SLC4A7: variants seen among roughly 807,000 people sequenced by gnomAD.
SLC4A7 encodes sodium bicarbonate cotransporter 3.
A neutral mutation model predicts 137.6 loss-of-function variants in SLC4A7; 51 were observed. The observed-to-expected ratio is 0.37, with a 90% CI of 0.30 to 0.47. The LOEUF (loss-of-function observed/expected upper bound fraction) is 0.47, where lower values mean the gene tolerates loss of function less well. SLC4A7 is among the 20% of genes least tolerant of loss of function. The pLI is 1.00. For missense variants in SLC4A7, 1,247 were observed against 1,525.4 expected, an observed-to-expected ratio of 0.82 and a Z score of 3.04; for synonymous variants, 542 against 518.6, an observed-to-expected ratio of 1.05 and a Z score of -0.61.
intron 16 of SLC4A7, among the ~76,000 whole-genome samples, chr3:27,399,593 A>G (rs1335683245): frequency 6.6e-6 from 1 of 151,810 alleles, no homozygotes; most frequent in African/African-American, 2.4e-5. Flanking sequence ...TCACCATACC[A>G]GGGTAATTTT....
chr3:27,456,685 GTA>G, intron 1 of SLC4A7: 1 of 1,610,428 alleles, frequency 6.2e-7, no homozygotes, highest in South Asian at 1.1e-5. Flanking sequence ...TCTTTCCATA[GTA>G]ATATAGAAAT....
chr3:27,446,690 T>A (rs531424910), intron 3 of SLC4A7, among the ~76,000 whole-genome samples: 36 of 152,232 alleles, frequency 2.4e-4, no homozygotes, highest in African/African-American at 8.7e-4. Context: ...CTGTGATGTA[T>A]AGAACAGTTT....
intron 12 of SLC4A7, among the ~76,000 whole-genome samples, chr3:27,410,313 A>T (rs184283998): frequency 6.2e-4 from 95 of 152,300 alleles, no homozygotes; most frequent in Non-Finnish European, 1.1e-3. Flanking sequence ...CAGTGTCTAG[A>T]ACACTACCTG....
chr3:27,395,148 T>C (rs1427420136), intron 18 of SLC4A7, 33 bp from the exon 19 acceptor site: 3 of 1,514,074 alleles, frequency 2.0e-6, no homozygotes, highest in Non-Finnish European at 1.8e-6. Context: ...TTTCAAAAAG[T>C]CTCCTTGCTG....
chr3:27,473,065 G>A (rs998699902), intron 1 of SLC4A7, among the ~76,000 whole-genome samples: 9 of 147,774 alleles, frequency 6.1e-5, no homozygotes, highest in South Asian at 2.2e-4. Flanking sequence ...GGGCAACAGA[G>A]GAAGACTCTG....
At chr3:27,425,603 G>A (rs1192141449) in intron 7 of SLC4A7, among the ~76,000 whole-genome samples, 1 of 139,732 alleles carries the variant, frequency 7.2e-6, no homozygotes. Context: ...TTGAACCCAG[G>A]AGGCAGAGGT....
At chr3:27,461,438 C>A (rs2058690785) in intron 1 of SLC4A7, among the ~76,000 whole-genome samples, 1 of 151,536 alleles carries the variant, frequency 6.6e-6, no homozygotes, top group Non-Finnish European at 1.5e-5. Flanking sequence ...CAAACAGATT[C>A]ATTTGAAGGC....
chr3:27,391,808 A>C lies in SLC4A7; in HGVS notation c.3118T>G (p.Phe1040Val). Reference sequence around the variant, plus strand: ...CCATACAGAACAGGCATTGGAATAAACTGTAAATAAAATGAACACAATTAG... The same window carrying C: ...CCATACAGAACAGGCATTGGAATAACCTGTAAATAAAATGAACACAATTAG... ...LSVFMTSVLK[F>V]IPMPVLYGVF... The change falls in exon 21 of 26, where the codon TTT becomes GTT. Residue 1040 changes from phenylalanine to valine, a missense_variant and splice_region_variant. Coordinates refer to ENST00000454389, the MANE Select transcript of SLC4A7 (RefSeq NM_001321103.2). 1 of 1,573,292 alleles carries C rather than the reference A, an allele frequency of 6.4e-7. No individual in the cohort carries two copies. Among genetic ancestry groups the C allele is most frequent in the South Asian group, 1.2e-5 (1 of 86,876 alleles).
chr3:27,392,616 A>G (rs748681265), intron 20 of SLC4A7, among the ~76,000 whole-genome samples: 189 of 152,194 alleles, frequency 1.2e-3, no homozygotes, highest in Non-Finnish European at 2.3e-3. Context: ...ACTTGCGGCC[A>G]TAAGTTCGAG....
intron 23 of SLC4A7, among the ~76,000 whole-genome samples, chr3:27,385,259 T>C (rs1158418792): frequency 1.3e-5 from 2 of 152,284 alleles, no homozygotes; most frequent in South Asian, 2.1e-4. Flanking sequence ...TACTTTTCCT[T>C]CTTATTAACC....
intron 14 of SLC4A7, among the ~76,000 whole-genome samples, 191 bp downstream of exon 14, chr3:27,404,639 C>G (rs1428619768): frequency 6.6e-6 from 1 of 152,244 alleles, no homozygotes; most frequent in East Asian, 1.9e-4. Context: ...GACAATCTTA[C>G]TTTCTTCATC....
At chr3:27,403,104 A>T (rs2052954421) in intron 15 of SLC4A7, 35 bp downstream of exon 15, 1 of 1,570,272 alleles carries the variant, frequency 6.4e-7, no homozygotes, top group African/African-American at 1.4e-5. Context: ...CTGTAAAAAC[A>T]CATTTTAATA....
intron 3 of SLC4A7, among the ~76,000 whole-genome samples, chr3:27,443,588 G>C (rs757596751): frequency 2.0e-5 from 3 of 151,116 alleles, no homozygotes; most frequent in Admixed American, 6.6e-5. Context: ...TAGTTTCTTA[G>C]CTAGAAGTTT....
intron 14 of SLC4A7, among the ~76,000 whole-genome samples, chr3:27,404,626 A>C (rs2053150024): frequency 6.6e-6 from 1 of 152,228 alleles, no homozygotes; most frequent in Non-Finnish European, 1.5e-5. Flanking sequence ...TTTTATACTC[A>C]AGGACAATCT....
intron 11 of SLC4A7, among the ~76,000 whole-genome samples, chr3:27,416,951 T>A (rs908751476): frequency 6.6e-6 from 1 of 152,134 alleles, no homozygotes; most frequent in African/African-American, 2.4e-5. Context: ...TTAAAAACCA[T>A]TACGCATATT....
chr3:27,434,629 G>T, intron 5 of SLC4A7, among the ~76,000 whole-genome samples: 1 of 152,080 alleles, frequency 6.6e-6, no homozygotes, highest in African/African-American at 2.4e-5. Context: ...CAGATAAAAC[G>T]TCATGAGGTC....
chr3:27,396,092 G>GT, intron 18 of SLC4A7, among the ~76,000 whole-genome samples: 1 of 152,106 alleles, frequency 6.6e-6, no homozygotes, highest in East Asian at 1.9e-4. Context: ...CTAAACATAT[G>GT]TTTTTATTAC....
intron 11 of SLC4A7, among the ~76,000 whole-genome samples, chr3:27,417,189 G>C (rs975608536): frequency 1.7e-4 from 26 of 152,036 alleles, no homozygotes; most frequent in African/African-American, 6.3e-4. Context: ...AATACAAATG[G>C]AATTTTAGCT....
In SLC4A7 at chr3:27,424,061, T is replaced by C; in HGVS notation, c.1242A>G (p.Glu414=). ...CCTTGCTGAAGTCAACAGTACTATT[T>C]TCTCTGCTTCCACCACTTCCATTAC... ...IKGNGSGGSR[E]NSTVDFSKVD... is the part of the protein sequence containing the mutation. Residue 414 remains glutamate, a synonymous_variant, in exon 8 of 26, where the codon GAA becomes GAG. Transcript: ENST00000454389. 3.1e-6 allele frequency: 5 copies of C among 1,600,744 alleles called. No homozygotes were observed. Among genetic ancestry groups the C allele is most frequent in the Non-Finnish European group, 4.3e-6 (5 of 1,168,402 alleles).
Sources: gnomAD v4.1 joint callset for allele counts (sites outside exome capture counted in the v4.1 genomes callset) on GRCh38, gnomAD v4.1.1 for gene constraint, MANE v1.5 for transcripts, NCBI Gene and HGNC (gene_info 2026-07-23, HGNC 2026-07-21) for gene names.